DLC1: variants seen among roughly 807,000 people sequenced by gnomAD.
DLC1 encodes the protein DLC1 Rho GTPase activating protein, also known as rho GTPase-activating protein 7.
In DLC1, 54 loss-of-function variants were observed where a neutral mutation model predicts 140.3. That is an observed-to-expected ratio of 0.38 (90% CI 0.31 to 0.48). The LOEUF (loss-of-function observed/expected upper bound fraction) is 0.48. DLC1 is among the 20% of genes least tolerant of loss of function. DLC1 has a pLI of 0.96. For missense variants in DLC1, 2,536 were observed against 1,907.0 expected (o/e 1.33, Z -6.14); for synonymous variants, 986 against 728.1 (o/e 1.35, Z -5.70).
intron 4 of DLC1, among the ~76,000 whole-genome samples, chr8:13,381,997 A>T (rs891112773): frequency 6.6e-6 from 1 of 152,156 alleles, no homozygotes; most frequent in Non-Finnish European, 1.5e-5. Flanking sequence ...TAAGCCAGGT[A>T]GCTTTTGAGG....
At chr8:13,105,347 TA>T (rs1169784161) in intron 7 of DLC1, among the ~76,000 whole-genome samples, 1 of 152,190 alleles carries the variant, frequency 6.6e-6, no homozygotes, top group East Asian at 1.9e-4. Flanking sequence ...ACAGAGACAG[TA>T]CTGATATCAA....
chr8:13,264,511 T>G (rs1830607863), intron 5 of DLC1, among the ~76,000 whole-genome samples: 2 of 152,100 alleles, frequency 1.3e-5, no homozygotes, highest in South Asian at 4.1e-4. Flanking sequence ...TGGGGACACT[T>G]AAATGTGTAA....
chr8:13,225,158 T>G lies in DLC1; in HGVS notation c.1348+80111A>C, dbSNP rs571131317. Among the ~76,000 whole-genome samples, 7 of 152,326 alleles carry G rather than the reference T, an allele frequency of 4.6e-5. No homozygotes were observed. The East Asian group carries it at 1.2e-3, about 25-fold the overall frequency. On this transcript the variant is annotated intron_variant, in intron 5 of 17. Coordinates refer to ENST00000276297, the MANE Select transcript of DLC1 (RefSeq NM_182643.3). ...ATTTTAAATAGAAAGCTGATAGGCT[T>G]GTGTAAAAGTGGGTGTGCTGCCTTT...
At chr8:13,157,517 T>C (rs918866229) in intron 5 of DLC1, among the ~76,000 whole-genome samples, 1 of 152,202 alleles carries the variant, frequency 6.6e-6, no homozygotes, top group Non-Finnish European at 1.5e-5. Flanking sequence ...AAGAAATCTT[T>C]GGTAATCACC....
chr8:13,433,651 G>A (rs972543841), intron 2 of DLC1, among the ~76,000 whole-genome samples: 2 of 152,140 alleles, frequency 1.3e-5, no homozygotes, highest in Admixed American at 6.5e-5. Flanking sequence ...ATTATAGGTA[G>A]GCTGATATCT....
chr8:13,470,191 T>A (rs1800143241), intron 2 of DLC1, among the ~76,000 whole-genome samples: 2 of 152,228 alleles, frequency 1.3e-5, no homozygotes, highest in South Asian at 4.1e-4. Flanking sequence ...CTTATCTGAC[T>A]ACATAAGTTA....
At position 13,085,556 on chromosome 8, in the gene DLC1, T is replaced by C. The variant is rs10888175; in HGVS notation, c.*255A>G. ...AAGAGTTTTGCTTCTCAGAAGCAATTTGAATAAGAATACACATAAATTTTT... is the reference window on the plus strand; with the variant it reads ...AAGAGTTTTGCTTCTCAGAAGCAATCTGAATAAGAATACACATAAATTTTT... On this transcript the variant is annotated 3_prime_UTR_variant, in exon 18 of 18. Transcript: ENST00000276297. 239,838 of 292,732 alleles carry C rather than the reference T, an allele frequency of 0.82. 103,897 individuals carry two copies. Among genetic ancestry groups the C allele is most frequent in the Non-Finnish European group, 0.92 (147,145 of 160,126 alleles). 18.1% of individuals were successfully genotyped at this position (292,732 alleles called of 1,614,324 possible).
At chr8:13,091,561 A>G in intron 13 of DLC1, 129 bp from the exon 14 acceptor site, 2 of 713,418 alleles carry the variant, frequency 2.8e-6, no homozygotes, top group Non-Finnish European at 4.5e-6. Flanking sequence ...TGTTAAGTGG[A>G]TTAAGAGTGT....
At chr8:13,376,551 T>C (rs1835998329) in intron 4 of DLC1, among the ~76,000 whole-genome samples, 1 of 152,074 alleles carries the variant, frequency 6.6e-6, no homozygotes, top group Admixed American at 6.5e-5. Flanking sequence ...GAGTAGAACG[T>C]GTGATTTTGT....
chr8:13,358,823 C>G (rs1835069632), intron 4 of DLC1, among the ~76,000 whole-genome samples: 3 of 152,198 alleles, frequency 2.0e-5, no homozygotes, highest in South Asian at 4.1e-4. Flanking sequence ...TACTCAGTGA[C>G]AAAGTTATTA....
chr8:13,593,408 C>G (rs967762297), intron 1 of DLC1, among the ~76,000 whole-genome samples: 15 of 152,124 alleles, frequency 9.9e-5, no homozygotes, highest in African/African-American at 3.4e-4. Flanking sequence ...TGTAACCATT[C>G]AATTTGCACT....
chr8:13,486,383 A>G (rs1292649538), intron 2 of DLC1, among the ~76,000 whole-genome samples: 2 of 152,172 alleles, frequency 1.3e-5, no homozygotes, highest in Admixed American at 6.5e-5. Context: ...TGTCTGAAAG[A>G]GGCATAAGAC....
chr8:13,270,056 CAA>C (rs538965954), intron 5 of DLC1, among the ~76,000 whole-genome samples: 21 of 71,750 alleles, frequency 2.9e-4, no homozygotes, highest in Admixed American at 4.7e-4. Flanking sequence ...GACTCCGTCT[CAA>C]AAAAAAAAAA....
intron 1 of DLC1, among the ~76,000 whole-genome samples, chr8:13,595,560 G>C (rs1805655490): frequency 6.6e-6 from 1 of 151,938 alleles, no homozygotes; most frequent in Admixed American, 6.6e-5. Flanking sequence ...TTAATCTTGA[G>C]TTCTTTATGA....
intron 5 of DLC1, among the ~76,000 whole-genome samples, chr8:13,266,186 G>A (rs1830682839): frequency 6.6e-6 from 1 of 152,198 alleles, no homozygotes; most frequent in African/African-American, 2.4e-5. Flanking sequence ...ATTGCTGAAT[G>A]CATATTTTAT....
intron 1 of DLC1, among the ~76,000 whole-genome samples, chr8:13,520,522 G>A (rs11993348): frequency 6.6e-6 from 1 of 152,104 alleles, no homozygotes; most frequent in Non-Finnish European, 1.5e-5. Context: ...ACCTAACGTA[G>A]GTGATGGGTT....
chr8:13,360,647 G>A (rs1400367763), intron 4 of DLC1, among the ~76,000 whole-genome samples: 2 of 151,830 alleles, frequency 1.3e-5, no homozygotes, highest in Non-Finnish European at 2.9e-5. Context: ...GACTTACTCT[G>A]TGTTTTTTGG....
intron 5 of DLC1, among the ~76,000 whole-genome samples, chr8:13,144,795 C>G (rs1585761731): frequency 6.6e-6 from 1 of 152,102 alleles, no homozygotes; most frequent in African/African-American, 2.4e-5. Context: ...TAAATTCTCT[C>G]TCATCCATCT....
chr8:13,210,411 T>C (rs1439384023), intron 5 of DLC1, among the ~76,000 whole-genome samples: 2 of 152,178 alleles, frequency 1.3e-5, no homozygotes, highest in East Asian at 1.9e-4. Context: ...GGCATTGTCA[T>C]TGTCAATGTC....
Sources: gnomAD v4.1 joint callset for allele counts (sites outside exome capture counted in the v4.1 genomes callset) on GRCh38, gnomAD v4.1.1 for gene constraint, MANE v1.5 for transcripts, NCBI Gene and HGNC (gene_info 2026-07-23, HGNC 2026-07-21) for gene names.